Variants in EPHA6 observed in about 807,000 individuals in gnomAD.
EPHA6 encodes EPH receptor A6.
EPHA6 carries 50 observed loss-of-function variants against 112.0 expected under a neutral mutation model. That is an observed-to-expected ratio of 0.45 (90% CI 0.36 to 0.56). The LOEUF (loss-of-function observed/expected upper bound fraction) is 0.56, where lower values mean the gene tolerates loss of function less well. Ranked by LOEUF, EPHA6 falls within the 20% of genes least tolerant of loss-of-function variation. The pLI is 0.00. For missense variants in EPHA6, 1,280 were observed against 1,417.4 expected, an observed-to-expected ratio of 0.90 and a Z score of 1.56; for synonymous variants, 529 against 490.7, an observed-to-expected ratio of 1.08 and a Z score of -1.03.
chr3:97,432,860 C>A (rs2089599588), intron 6 of EPHA6, among the ~76,000 whole-genome samples: 1 of 152,088 alleles, frequency 6.6e-6, no homozygotes, highest in African/African-American at 2.4e-5. Context: ...GGAAACCACC[C>A]CCATGACCCA....
chr3:97,420,314 T>C (rs1240976262), intron 6 of EPHA6, among the ~76,000 whole-genome samples: 1 of 151,150 alleles, frequency 6.6e-6, no homozygotes, highest in East Asian at 1.9e-4. Flanking sequence ...AGATAAAAAT[T>C]GACCAAAATA....
At chr3:97,407,347 A>AACACACACACACACACACACACAC (rs34259097) in intron 6 of EPHA6, among the ~76,000 whole-genome samples, 9 of 147,280 alleles carry the variant, frequency 6.1e-5, no homozygotes, top group Admixed American at 2.1e-4. Flanking sequence ...ACTGAAATTA[A>AACACACACACACACACACACACAC]ACACACACAC....
intron 13 of EPHA6, among the ~76,000 whole-genome samples, chr3:97,625,316 A>C (rs1391067581): frequency 6.6e-6 from 1 of 151,654 alleles, no homozygotes; most frequent in Non-Finnish European, 1.5e-5. Flanking sequence ...GTTGTCTAAG[A>C]GTTTATTGTT....
At chr3:97,518,241 A>G (rs1297164961) in intron 10 of EPHA6, among the ~76,000 whole-genome samples, 2 of 152,110 alleles carry the variant, frequency 1.3e-5, no homozygotes, top group Non-Finnish European at 2.9e-5. Context: ...GCACGCTCTC[A>G]TGAACATTTG....
intron 11 of EPHA6, among the ~76,000 whole-genome samples, chr3:97,559,055 T>C (rs1031314252): frequency 4.6e-5 from 7 of 152,018 alleles, no homozygotes; most frequent in African/African-American, 1.7e-4. Context: ...TTATTTTCAA[T>C]GAGTGCATAG....
At chr3:97,058,906 C>A (rs2045934478) in intron 3 of EPHA6, among the ~76,000 whole-genome samples, 1 of 152,098 alleles carries the variant, frequency 6.6e-6, no homozygotes, top group African/African-American at 2.4e-5. Context: ...TCAGACAAAT[C>A]CTGGAGGGAA....
At chr3:96,828,714 T>A (rs950401137) in intron 1 of EPHA6, among the ~76,000 whole-genome samples, 1 of 152,144 alleles carries the variant, frequency 6.6e-6, no homozygotes, top group Non-Finnish European at 1.5e-5. Flanking sequence ...TCCTGGATGA[T>A]CAACACTGTT....
rs955342233 is a variant in EPHA6 at position 97,328,125 on chromosome 3, C to T, written c.1607-77025C>T. Among the ~76,000 whole-genome samples, 4 of 136,820 alleles carry T rather than the reference C, an allele frequency of 2.9e-5. No individual in the cohort carries two copies. The East Asian group carries it at 6.4e-4, about 22-fold the overall frequency. 89.8% of individuals were successfully genotyped at this position (136,820 alleles called of 152,430 possible). Reference sequence around the variant, plus strand: ...CATTGAAGAATGTCTTGGCTATTTCCATTTGTTAGTTATTAAACAAAAAAA... The same window carrying T: ...CATTGAAGAATGTCTTGGCTATTTCTATTTGTTAGTTATTAAACAAAAAAA... On this transcript the variant is annotated intron_variant, in intron 5 of 17. Coordinates refer to ENST00000389672, the MANE Select transcript of EPHA6 (RefSeq NM_001080448.3).
In EPHA6 at chr3:96,824,743, A is replaced by T. The variant is rs557081816; in HGVS notation, c.385+9735A>T. Among the ~76,000 whole-genome samples the T allele has an allele frequency of 3.3e-5, 5 of 152,174 alleles. No individual in the cohort carries two copies. In the East Asian group the frequency reaches 9.7e-4, roughly 29 times the overall value. On this transcript the variant is annotated intron_variant, in intron 1 of 17. Coordinates refer to ENST00000389672, the MANE Select transcript of EPHA6 (RefSeq NM_001080448.3). ...CATCTACAAACTATTGTTTACAGAA[A>T]TGAAAAGTACTGTTCTTAAGGATAT... is the stretch of plus-strand genomic sequence containing the variant.
chr3:97,522,812 C>T (rs1045540708), intron 10 of EPHA6, among the ~76,000 whole-genome samples: 6 of 152,052 alleles, frequency 3.9e-5, no homozygotes, highest in African/African-American at 1.4e-4. Context: ...CTAAATTATC[C>T]AATTTATAAG....
chr3:96,907,633 A>G (rs1401062462), intron 2 of EPHA6, among the ~76,000 whole-genome samples: 2 of 151,888 alleles, frequency 1.3e-5, no homozygotes, highest in South Asian at 2.1e-4. Context: ...TTTAGAAAAG[A>G]TATAGGTGTA....
At chr3:96,860,053 C>T (rs2035921895) in intron 1 of EPHA6, among the ~76,000 whole-genome samples, 1 of 152,078 alleles carries the variant, frequency 6.6e-6, no homozygotes, top group South Asian at 2.1e-4. Flanking sequence ...AACTTACAGA[C>T]TTTCTATATC....
At chr3:97,105,537 C>G (rs2047540468) in intron 3 of EPHA6, among the ~76,000 whole-genome samples, 1 of 152,044 alleles carries the variant, frequency 6.6e-6, no homozygotes, top group African/African-American at 2.4e-5. Context: ...AATTTCAGTT[C>G]TTTTGCACTT....
intron 5 of EPHA6, among the ~76,000 whole-genome samples, chr3:97,286,799 CAATTG>C (rs2080480813): frequency 6.6e-6 from 1 of 151,020 alleles, no homozygotes; most frequent in South Asian, 2.1e-4. Context: ...TATTTTATAG[CAATTG>C]AATTGAATTA....
At chr3:96,875,577 G>A (rs2036896274) in intron 2 of EPHA6, among the ~76,000 whole-genome samples, 1 of 152,058 alleles carries the variant, frequency 6.6e-6, no homozygotes, top group Admixed American at 6.6e-5. Context: ...CAGATGTGAA[G>A]TATTTATTGA....
At chr3:97,037,165 T>C (rs1183892533) in intron 3 of EPHA6, among the ~76,000 whole-genome samples, 5 of 152,214 alleles carry the variant, frequency 3.3e-5, no homozygotes, top group African/African-American at 1.2e-4. Flanking sequence ...TGCTATTTGC[T>C]AAGAAGAAAA....
At chr3:97,612,939 C>T (rs1321754164) in intron 13 of EPHA6, among the ~76,000 whole-genome samples, 1 of 152,056 alleles carries the variant, frequency 6.6e-6, no homozygotes, top group Non-Finnish European at 1.5e-5. Context: ...AAAAGCCATG[C>T]TCTCATGCGT....
intron 3 of EPHA6, among the ~76,000 whole-genome samples, chr3:97,099,204 G>A (rs534392681): frequency 6.6e-6 from 1 of 151,830 alleles, no homozygotes; most frequent in African/African-American, 2.4e-5. Context: ...TCACAGTTGA[G>A]GTATCTATTT....
At chr3:97,183,640 G>A (rs2077048615) in intron 3 of EPHA6, among the ~76,000 whole-genome samples, 1 of 151,792 alleles carries the variant, frequency 6.6e-6, no homozygotes, top group South Asian at 2.1e-4. Flanking sequence ...AAACATAATG[G>A]CCTCACTTTA....
Sources: allele counts gnomAD v4.1 joint callset (sites outside exome capture counted in the v4.1 genomes callset), GRCh38; gene constraint gnomAD v4.1.1; transcripts MANE v1.5; gene names NCBI Gene and HGNC (gene_info 2026-07-23, HGNC 2026-07-21).